BSDC1: variants seen among roughly 807,000 people sequenced by gnomAD.
BSDC1 encodes BSD domain containing 1.
A neutral mutation model predicts 56.0 loss-of-function variants in BSDC1; 29 were observed. That is an observed-to-expected ratio of 0.52 (90% CI 0.39 to 0.71). BSDC1 has a LOEUF of 0.71. Ranked by LOEUF, BSDC1 falls within the 30% of genes least tolerant of loss-of-function variation. The pLI, the probability that BSDC1 is intolerant of heterozygous loss-of-function variation, is 0.00. For missense variants in BSDC1, 477 were observed against 548.5 expected (o/e 0.87, Z 1.30); for synonymous variants, 210 against 215.3 (o/e 0.98, Z 0.21).
rs1239036068 is a variant in BSDC1 at position 32,378,969 on chromosome 1, G to T, written c.413-130C>A. 1 of 570,682 alleles carries T rather than the reference G, an allele frequency of 1.8e-6. No homozygotes were observed. Among genetic ancestry groups the T allele is most frequent in the Non-Finnish European group, 2.8e-6 (1 of 352,482 alleles). 35.4% of individuals were successfully genotyped at this position (570,682 alleles called of 1,614,324 possible). A position where few individuals can be genotyped will look rare whatever the true frequency, so the allele number is the denominator to read the frequency against. The stretch of plus-strand genomic sequence containing the variant: ...TGTATTCAAAGCCACTTAGCCAAGG[G>T]TAGGGGGTCAGGCAGGGTGAAGGGG... On this transcript the variant is annotated intron_variant, in intron 5 of 10. Coordinates refer to ENST00000455895, the MANE Select transcript of BSDC1 (RefSeq NM_018045.8). The surrounding 1 kb of genome is among the most constrained non-coding windows in gnomAD (Gnocchi z 5.2).
intron 9 of BSDC1, among the ~76,000 whole-genome samples, chr1:32,375,086 A>G (rs1266360841): frequency 6.6e-6 from 1 of 152,010 alleles, no homozygotes; most frequent in East Asian, 1.9e-4. Context: ...TGAGAGGCGG[A>G]GGTTGCAGTG....
intron 9 of BSDC1, among the ~76,000 whole-genome samples, chr1:32,374,037 C>CCTA (rs1473670335): frequency 6.6e-6 from 1 of 152,184 alleles, no homozygotes; most frequent in Non-Finnish European, 1.5e-5. Flanking sequence ...AGGCCCACCA[C>CCTA]CTACTCCTCC....
chr1:32,383,769 T>C lies in BSDC1; in HGVS notation c.357+61A>G, dbSNP rs992116645. 1.2e-5 allele frequency: 19 copies of C among 1,528,714 alleles called. No individual in the cohort carries two copies. The African/African-American group carries it at 2.0e-4, about 16-fold the overall frequency. The allele number at this position is 1,528,714 out of a possible 1,614,324, so 94.7% of individuals were successfully genotyped here. A position where few individuals can be genotyped will look rare whatever the true frequency, so the allele number is the denominator to read the frequency against. ...ATGGGCTGCTTTTGTGAGTACAGGA[T>C]GGAAGTTAAAGCCCAGGTTACAGAT... On this transcript the variant is annotated intron_variant, in intron 4 of 10. Coordinates refer to ENST00000455895, the MANE Select transcript of BSDC1 (RefSeq NM_018045.8).
intron 3 of BSDC1, 140 bp from the exon 4 acceptor site, chr1:32,384,137 G>A (rs763739768): frequency 8.4e-5 from 102 of 1,212,154 alleles, no homozygotes; most frequent in Non-Finnish European, 1.1e-4. Context: ...CCGTCTCTGG[G>A]GCTGCAGGAG....
rs758478820 is a variant in BSDC1, at chr1:32,376,661, C to T, written c.757G>A (p.Glu253Lys). 7.0e-7 allele frequency: 1 copy of T among 1,426,280 alleles called. No individual in the cohort carries two copies. The highest frequency in any genetic ancestry group is 9.3e-7 in the Non-Finnish European group (1 of 1,078,148). 88.4% of individuals were successfully genotyped at this position (1,426,280 alleles called of 1,614,324 possible). A position where few individuals can be genotyped will look rare whatever the true frequency, so the allele number is the denominator to read the frequency against. Residue 253 changes from glutamate to lysine, a missense_variant, in exon 9 of 11, where the codon GAA becomes AAA. By Grantham distance (56) the Glu-to-Lys change is moderately conservative. Transcript: ENST00000455895. ...VAKISTFPEG[E>K]PGPQSPCEEN... is the part of the protein sequence containing the mutation. ...TCACAGGGGCTCTGGGGGCCAGGTT[C>T]TCCTTCAGGGAATGTAGAAATTTTG...
chr1:32,371,303 CTTTTTTTTTTTTTT>C (rs963070889), intron 9 of BSDC1, among the ~76,000 whole-genome samples: 1 of 117,830 alleles, frequency 8.5e-6, no homozygotes, highest in African/African-American at 3.4e-5. Context: ...ACTTTGTAAT[CTTTTTTTTTTTTTT>C]TTTTTTTTTA....
chr1:32,372,391 C>T (rs1642123142), intron 9 of BSDC1, among the ~76,000 whole-genome samples: 1 of 152,238 alleles, frequency 6.6e-6, no homozygotes, highest in Admixed American at 6.5e-5. Context: ...TCCCTAACCT[C>T]AGGTTGCCCT....
At chr1:32,383,449 C>T in intron 4 of BSDC1, among the ~76,000 whole-genome samples, 2 of 143,890 alleles carry the variant, frequency 1.4e-5, no homozygotes, top group South Asian at 2.2e-4. Flanking sequence ...GAGACCCTGT[C>T]TCATTAAAAA....
chr1:32,382,208 C>G (rs184127039), intron 4 of BSDC1, among the ~76,000 whole-genome samples: 182 of 137,216 alleles, frequency 1.3e-3, no homozygotes, highest in Middle Eastern at 0.013. Context: ...GTCTGGGCGA[C>G]AGAGAGAGAC....
intron 10 of BSDC1, chr1:32,367,594 A>C: frequency 1.0e-6 from 1 of 985,454 alleles, no homozygotes; most frequent in Non-Finnish European, 1.2e-6. Context: ...GACATGAATC[A>C]GATGTCTGGG....
Position 32,386,619 on chromosome 1 carries a change from G to C in BSDC1, c.189+160C>G, listed in dbSNP as rs1188629929. 2 of 505,726 alleles carry C rather than the reference G, an allele frequency of 4.0e-6. 1 individual carries two copies. Among genetic ancestry groups the C allele is most frequent in the Non-Finnish European group, 6.9e-6 (2 of 289,176 alleles). 31.3% of individuals were successfully genotyped at this position (505,726 alleles called of 1,614,324 possible). ...AATTATTACTTAAAATATGCAGCTT[G>C]TTTGGTTGCCAGACACAATTCTTTC... is the stretch of plus-strand genomic sequence containing the variant. On this transcript the variant is annotated intron_variant, in intron 3 of 10. Transcript: ENST00000455895.
At position 32,378,022 on chromosome 1, in the gene BSDC1, C is replaced by T. The variant is rs1557644811; in HGVS notation, c.624G>A (p.Lys208=). The T allele has an allele frequency of 6.2e-7, 1 of 1,613,318 alleles. No individual in the cohort carries two copies. Among genetic ancestry groups the T allele is most frequent in the South Asian group, 1.1e-5 (1 of 90,876 alleles). ...CAGAGATGCTCTGTTCCGCCCGCTG[C>T]TTCAGGGCGTCCCTCCGGGCCTGCT... ...EQEQARRDAL[K]QRAEQSISEE... Residue 208 remains lysine (K), a synonymous_variant, in exon 8 of 11, where the codon AAG becomes AAA. Transcript: ENST00000455895. The surrounding 1 kb of genome is among the most constrained non-coding windows in gnomAD (Gnocchi z 5.2).
At chr1:32,375,000 A>C (rs1332100797) in intron 9 of BSDC1, among the ~76,000 whole-genome samples, 1 of 152,074 alleles carries the variant, frequency 6.6e-6, no homozygotes, top group Non-Finnish European at 1.5e-5. Context: ...AAAATACAAA[A>C]AATTAGCCGG....
At chr1:32,368,395 C>T in intron 10 of BSDC1, 52 bp downstream of exon 10, 2 of 1,614,152 alleles carry the variant, frequency 1.2e-6, no homozygotes, top group South Asian at 1.1e-5. Context: ...GGAGAGCTCT[C>T]ACACCCAGGA....
Position 32,385,065 on chromosome 1 carries a change from T to C in BSDC1, c.190-1068A>G, listed in dbSNP as rs182931491. On this transcript the variant is annotated intron_variant, in intron 3 of 10. Coordinates refer to ENST00000455895, the MANE Select transcript of BSDC1 (RefSeq NM_018045.8). The stretch of plus-strand genomic sequence containing the variant: ...ATTTTTTGTAACATGAGTAATTAAT[T>C]ACAAGATAATTGATTCAGCTGGTGA... Among the ~76,000 whole-genome samples the C allele has an allele frequency of 3.3e-5, 5 of 152,290 alleles. No individual in the cohort carries two copies. In the East Asian group the frequency reaches 9.6e-4, roughly 29 times the overall value.
chr1:32,391,418 T>C (rs1642860598), intron 2 of BSDC1, among the ~76,000 whole-genome samples: 1 of 152,056 alleles, frequency 6.6e-6, no homozygotes, highest in Non-Finnish European at 1.5e-5. Flanking sequence ...AGGGAAGAGT[T>C]AGGTTTTGGG....
intron 2 of BSDC1, among the ~76,000 whole-genome samples, chr1:32,389,331 G>GTGTCAGAT (rs1642786131): frequency 1.3e-5 from 2 of 152,280 alleles, no homozygotes; most frequent in East Asian, 3.9e-4. Flanking sequence ...TTTGTTCCCT[G>GTGTCAGAT]ATGGTTCCCC....
Position 32,383,792 on chromosome 1 carries a change from G to T in BSDC1, c.357+38C>A, listed in dbSNP as rs772626969. The T allele has an allele frequency of 3.3e-5, 52 of 1,597,496 alleles. No homozygotes were observed. The South Asian group carries it at 4.7e-4, about 15-fold the overall frequency. ...GATGGAAGTTAAAGCCCAGGTTACAGATGTTAGGCATCTGCAGGGGAGACT... is the reference window on the plus strand; with the variant it reads ...GATGGAAGTTAAAGCCCAGGTTACATATGTTAGGCATCTGCAGGGGAGACT... On this transcript the variant is annotated intron_variant, in intron 4 of 10. Coordinates refer to ENST00000455895, the MANE Select transcript of BSDC1 (RefSeq NM_018045.8).
At chr1:32,373,834 T>C (rs1014934788) in intron 9 of BSDC1, among the ~76,000 whole-genome samples, 1 of 152,146 alleles carries the variant, frequency 6.6e-6, no homozygotes, top group African/African-American at 2.4e-5. Context: ...ACTTTCTTCT[T>C]TTCATCAACT....
Sources: gnomAD v4.1 joint callset for allele counts (sites outside exome capture counted in the v4.1 genomes callset) on GRCh38, gnomAD v4.1.1 for gene constraint, Gnocchi (gnomAD v3.1) non-coding constraint, MANE v1.5 for transcripts, NCBI Gene and HGNC (gene_info 2026-07-23, HGNC 2026-07-21) for gene names.